ZMYM4: variants seen among roughly 807,000 people sequenced by gnomAD.
ZMYM4 encodes the protein zinc finger MYM-type containing 4.
A neutral mutation model predicts 183.2 loss-of-function variants in ZMYM4; 31 were observed. That is an observed-to-expected ratio of 0.17 (90% CI 0.13 to 0.23). ZMYM4 has a LOEUF of 0.23. Ranked by LOEUF, ZMYM4 falls within the 10% of genes least tolerant of loss-of-function variation. The pLI, the probability that ZMYM4 is intolerant of heterozygous loss-of-function variation, is 1.00. For missense variants in ZMYM4, 1,273 were observed against 1,840.3 expected (o/e 0.69, Z 5.64); for synonymous variants, 592 against 631.2 (o/e 0.94, Z 0.93).
At chr1:35,297,824 G>A (rs990847545) in intron 1 of ZMYM4, among the ~76,000 whole-genome samples, 4 of 152,196 alleles carry the variant, frequency 2.6e-5, no homozygotes, top group Non-Finnish European at 4.4e-5. Context: ...AGGACACAAC[G>A]AAAAGCAATT....
chr1:35,417,485 C>G (rs1187416213), intron 28 of ZMYM4, among the ~76,000 whole-genome samples: 1 of 152,122 alleles, frequency 6.6e-6, no homozygotes, highest in African/African-American at 2.4e-5. Context: ...AATATTCGAA[C>G]AAATAAACTT....
intron 1 of ZMYM4, among the ~76,000 whole-genome samples, chr1:35,307,826 G>T (rs544205058): frequency 1.4e-5 from 2 of 146,126 alleles, no homozygotes; most frequent in African/African-American, 2.5e-5. Context: ...GAGCCACCGC[G>T]CCTGGCTATT....
Position 35,272,562 on chromosome 1 carries a change from T to C in ZMYM4, c.39+3477T>C, listed in dbSNP as rs537609382. Among the ~76,000 whole-genome samples the C allele has an allele frequency of 1.1e-3, 172 of 152,356 alleles. 1 individual carries two copies. The highest frequency in any genetic ancestry group is 4.0e-3 in the African/African-American group (167 of 41,584). ...CTAGTACAGCAGAGGCTCTATGGGT[T>C]GAGTACCAAGTTCTCTGCTTTGTAA... is the stretch of plus-strand genomic sequence containing the variant. On this transcript the variant is annotated intron_variant, in intron 1 of 29. Transcript: ENST00000314607.
At chr1:35,274,500 G>GGGAGGATTGCTT (rs1436556234) in intron 1 of ZMYM4, among the ~76,000 whole-genome samples, 1 of 151,930 alleles carries the variant, frequency 6.6e-6, no homozygotes, top group Non-Finnish European at 1.5e-5. Context: ...AGGCTGAGGT[G>GGGAGGATTGCTT]GGAGGATTGC....
intron 26 of ZMYM4, among the ~76,000 whole-genome samples, chr1:35,409,178 A>G (rs952315769): frequency 6.6e-6 from 1 of 152,238 alleles, no homozygotes; most frequent in African/African-American, 2.4e-5. Context: ...TTATCCATTC[A>G]TCCACTGATG....
intron 5 of ZMYM4, among the ~76,000 whole-genome samples, chr1:35,369,112 A>T (rs1396683619): frequency 1.3e-5 from 2 of 152,174 alleles, no homozygotes; most frequent in African/African-American, 4.8e-5. Context: ...ACTCCCCATC[A>T]CAAAAAAAGG....
intron 26 of ZMYM4, among the ~76,000 whole-genome samples, chr1:35,411,112 C>T (rs1472028031): frequency 6.6e-6 from 1 of 151,788 alleles, no homozygotes; most frequent in East Asian, 1.9e-4. Context: ...GGCTTGATAC[C>T]ATTGTAGAAA....
At chr1:35,376,032 C>T (rs1644326721) in intron 7 of ZMYM4, among the ~76,000 whole-genome samples, 1 of 151,410 alleles carries the variant, frequency 6.6e-6, no homozygotes, top group African/African-American at 2.4e-5. Flanking sequence ...GCTATGATCA[C>T]ACTCCTGCTC....
At chr1:35,347,331 C>A (rs1643434692) in intron 2 of ZMYM4, among the ~76,000 whole-genome samples, 1 of 152,176 alleles carries the variant, frequency 6.6e-6, no homozygotes, top group Admixed American at 6.5e-5. Flanking sequence ...TCAAAAAAAT[C>A]TCCATTGACC....
At chr1:35,282,130 C>T (rs750428076) in intron 1 of ZMYM4, among the ~76,000 whole-genome samples, 5 of 152,196 alleles carry the variant, frequency 3.3e-5, no homozygotes, top group Admixed American at 6.5e-5. Flanking sequence ...TGAGTCCTTG[C>T]TTTCACTTCC....
intron 26 of ZMYM4, among the ~76,000 whole-genome samples, chr1:35,408,381 A>G (rs1639718874): frequency 6.6e-6 from 1 of 152,242 alleles, no homozygotes; most frequent in Admixed American, 6.5e-5. Flanking sequence ...AAATATTTAC[A>G]AAGGAATGGC....
At chr1:35,388,852 AAG>A in intron 13 of ZMYM4, 56 bp from the exon 14 acceptor site, 1 of 1,545,406 alleles carries the variant, frequency 6.5e-7, no homozygotes, top group Admixed American at 1.7e-5. Context: ...AGGCCATTTA[AAG>A]TTGCAGAAAA....
chr1:35,396,467 C>T (rs1644810365), intron 18 of ZMYM4, 85 bp from the exon 19 acceptor site: 4 of 1,552,158 alleles, frequency 2.6e-6, no homozygotes, highest in Non-Finnish European at 3.5e-6. Flanking sequence ...AACTATAAAC[C>T]TCCATAAGCT....
At chr1:35,274,797 T>C (rs1022715930) in intron 1 of ZMYM4, among the ~76,000 whole-genome samples, 3 of 152,066 alleles carry the variant, frequency 2.0e-5, no homozygotes, top group Non-Finnish European at 4.4e-5. Flanking sequence ...TGATGTATTT[T>C]TCAACCACAA....
At chr1:35,361,492 A>C in intron 4 of ZMYM4, 127 bp from the exon 5 acceptor site, 1 of 1,141,008 alleles carries the variant, frequency 8.8e-7, no homozygotes, top group Non-Finnish European at 1.2e-6. Context: ...GCGTAGGCAT[A>C]AGATCCAAAA....
intron 1 of ZMYM4, among the ~76,000 whole-genome samples, chr1:35,302,378 C>CTTTTTT (rs1179477732): frequency 3.1e-4 from 27 of 86,158 alleles, no homozygotes; most frequent in Non-Finnish European, 4.0e-4. Context: ...GCTAATTTGA[C>CTTTTTT]TTTTTTTTTT....
At chr1:35,353,049 A>C (rs545488504) in intron 2 of ZMYM4, among the ~76,000 whole-genome samples, 1 of 152,304 alleles carries the variant, frequency 6.6e-6, no homozygotes, top group African/African-American at 2.4e-5. Flanking sequence ...TCCCTCTTTC[A>C]GTGTGGTCCT....
At position 35,318,705 on chromosome 1, in the gene ZMYM4, G is replaced by A. The variant is rs370900107; in HGVS notation, c.40-6655G>A. Among the ~76,000 whole-genome samples, 69 of 152,230 alleles carry A rather than the reference G, an allele frequency of 4.5e-4. 1 individual carries two copies. Among genetic ancestry groups the A allele is most frequent in the African/African-American group, 1.6e-3 (67 of 41,552 alleles). On this transcript the variant is annotated intron_variant, in intron 1 of 29. Transcript: ENST00000314607. ...ACTCCTGACCTCAAGTCATCCGCCT[G>A]CCTTGGCATACCAAAGTGCTGGGAT...
chr1:35,271,121 C>G (rs915447967), intron 1 of ZMYM4, among the ~76,000 whole-genome samples: 2 of 152,078 alleles, frequency 1.3e-5, no homozygotes, highest in Non-Finnish European at 2.9e-5. Context: ...ATATAGTCCA[C>G]CAATGAAAAT....
Sources: gnomAD v4.1 joint callset for allele counts (sites outside exome capture counted in the v4.1 genomes callset) on GRCh38, gnomAD v4.1.1 for gene constraint, MANE v1.5 for transcripts, NCBI Gene and HGNC (gene_info 2026-07-23, HGNC 2026-07-21) for gene names.